CNTN5: variants seen among roughly 807,000 people sequenced by gnomAD.
CNTN5 encodes contactin-5.
In CNTN5, 77 loss-of-function variants were observed where a neutral mutation model predicts 129.1. The ratio of observed to expected loss-of-function variants is 0.60; its 90% CI spans 0.50 to 0.72. The LOEUF (loss-of-function observed/expected upper bound fraction) is 0.72, where lower values mean the gene tolerates loss of function less well. Among genes scored for constraint, CNTN5 ranks in the 30% least tolerant of loss-of-function variants. The pLI, the probability that CNTN5 is intolerant of heterozygous loss-of-function variation, is 0.00. For synonymous variants in CNTN5, 509 were observed against 465.6 expected, an observed-to-expected ratio of 1.09 and a Z score of -1.20; for missense variants, 1,478 against 1,328.8, an observed-to-expected ratio of 1.11 and a Z score of -1.75.
chr11:99,266,116 G>A (rs1862871533), intron 1 of CNTN5, among the ~76,000 whole-genome samples: 1 of 151,798 alleles, frequency 6.6e-6, no homozygotes, highest in Admixed American at 6.6e-5. Flanking sequence ...ATCTGTTTCT[G>A]GATAAATCAA....
chr11:99,099,034 C>T (rs1370987241), intron 1 of CNTN5, among the ~76,000 whole-genome samples: 1 of 152,084 alleles, frequency 6.6e-6, no homozygotes, highest in Non-Finnish European at 1.5e-5. Context: ...AAATCACTTC[C>T]TTAGAACAGA....
intron 2 of CNTN5, among the ~76,000 whole-genome samples, chr11:99,552,215 G>GTT (rs549887501): frequency 2.9e-5 from 4 of 139,006 alleles, no homozygotes; most frequent in Admixed American, 7.1e-5. Flanking sequence ...CAGTTTTTGT[G>GTT]TTTTTTTTTT....
At chr11:99,511,085 T>A (rs903491908) in intron 2 of CNTN5, among the ~76,000 whole-genome samples, 2 of 145,912 alleles carry the variant, frequency 1.4e-5, no homozygotes, top group East Asian at 2.4e-4. Flanking sequence ...TTAAAAAAAA[T>A]TAAATAGAAA....
intron 23 of CNTN5, among the ~76,000 whole-genome samples, chr11:100,349,353 G>T (rs1321042753): frequency 6.6e-6 from 1 of 151,826 alleles, no homozygotes; most frequent in East Asian, 1.9e-4. Flanking sequence ...CATATTTTAT[G>T]ATGCACTTGA....
At chr11:100,158,558 T>C (rs1947334614) in intron 13 of CNTN5, among the ~76,000 whole-genome samples, 1 of 151,872 alleles carries the variant, frequency 6.6e-6, no homozygotes, top group Non-Finnish European at 1.5e-5. Context: ...TGACCAAGCT[T>C]TCCATAAACA....
intron 1 of CNTN5, among the ~76,000 whole-genome samples, chr11:99,057,578 T>G (rs1368946613): frequency 6.6e-6 from 1 of 152,122 alleles, no homozygotes; most frequent in African/African-American, 2.4e-5. Flanking sequence ...TTATTGAACA[T>G]GATTTTAAAG....
At chr11:100,355,383 C>T (rs1299915040) in intron 24 of CNTN5, among the ~76,000 whole-genome samples, 5 of 151,696 alleles carry the variant, frequency 3.3e-5, no homozygotes, top group Admixed American at 6.6e-5. Flanking sequence ...ATAATAATGC[C>T]GCCTTCTGGA....
intron 3 of CNTN5, among the ~76,000 whole-genome samples, chr11:99,797,804 G>T (rs1475023616): frequency 6.6e-6 from 1 of 151,988 alleles, no homozygotes; most frequent in South Asian, 2.1e-4. Flanking sequence ...ATTTTTGTGT[G>T]TGTTGGAATA....
rs528180828 is a variant in CNTN5, at chr11:99,502,389, C to T, written c.-70-53756C>T. Among the ~76,000 whole-genome samples, 24 of 152,156 alleles carry T rather than the reference C, an allele frequency of 1.6e-4. 1 individual carries two copies. Among genetic ancestry groups the T allele is most frequent in the African/African-American group, 4.1e-4 (17 of 41,512 alleles). On this transcript the variant is annotated intron_variant, in intron 2 of 24. Coordinates refer to ENST00000524871, the MANE Select transcript of CNTN5 (RefSeq NM_014361.4). The stretch of plus-strand genomic sequence containing the variant: ...TAATCCACAAGTGTCAAGGGAGGGA[C>T]GAGATGGAGGTAATTGAATCACGGG...
intron 1 of CNTN5, among the ~76,000 whole-genome samples, chr11:99,259,231 CT>C (rs1862519591): frequency 6.6e-6 from 1 of 151,674 alleles, no homozygotes; most frequent in Non-Finnish European, 1.5e-5. Flanking sequence ...ATCACATATT[CT>C]TGCTTTTTTT....
chr11:99,561,797 A>G (rs991808583), intron 3 of CNTN5, among the ~76,000 whole-genome samples: 3 of 152,286 alleles, frequency 2.0e-5, no homozygotes, highest in African/African-American at 7.2e-5. Flanking sequence ...CTAAGGAGAT[A>G]TGATAACTAA....
In CNTN5 at chr11:100,356,352, T is replaced by C; in HGVS notation, c.*132T>C. 3 of 661,838 alleles carry C rather than the reference T, an allele frequency of 4.5e-6. No homozygotes were observed. Among genetic ancestry groups the C allele is most frequent in the Non-Finnish European group, 8.1e-6 (3 of 371,572 alleles). The allele number at this position is 661,838 out of a possible 1,614,324, so 41.0% of individuals were successfully genotyped here. ...AAACTTGGGACTATACATGGTGAAC[T>C]TACAGGAGGTTAGGGGGGAAATATT... is the stretch of plus-strand genomic sequence containing the variant. On this transcript the variant is annotated 3_prime_UTR_variant, in exon 25 of 25. Coordinates refer to ENST00000524871, the MANE Select transcript of CNTN5 (RefSeq NM_014361.4).
chr11:99,743,715 C>T (rs1943956278), intron 3 of CNTN5, among the ~76,000 whole-genome samples: 1 of 152,040 alleles, frequency 6.6e-6, no homozygotes, highest in Non-Finnish European at 1.5e-5. Flanking sequence ...TGTAAAAAGT[C>T]AAACCTATTT....
At chr11:99,430,367 A>C (rs534285471) in intron 2 of CNTN5, among the ~76,000 whole-genome samples, 1 of 148,374 alleles carries the variant, frequency 6.7e-6, no homozygotes, top group South Asian at 2.1e-4. Context: ...ATATATATAT[A>C]TGTGTGCACG....
intron 2 of CNTN5, among the ~76,000 whole-genome samples, chr11:99,535,580 G>C (rs1486964203): frequency 6.6e-6 from 1 of 152,176 alleles, no homozygotes; most frequent in African/African-American, 2.4e-5. Context: ...CTAGGCATGA[G>C]AATGTCTTAA....
intron 15 of CNTN5, among the ~76,000 whole-genome samples, chr11:100,208,728 A>G (rs1948963764): frequency 6.6e-6 from 1 of 152,180 alleles, no homozygotes; most frequent in Non-Finnish European, 1.5e-5. Flanking sequence ...CAGAAGTCTC[A>G]TTCAATCATG....
intron 15 of CNTN5, among the ~76,000 whole-genome samples, chr11:100,223,792 C>T (rs920522225): frequency 6.6e-6 from 1 of 151,954 alleles, no homozygotes; most frequent in Non-Finnish European, 1.5e-5. Flanking sequence ...TATGTCATTA[C>T]CTGAAAAATA....
intron 4 of CNTN5, among the ~76,000 whole-genome samples, chr11:99,832,538 T>A (rs1378230508): frequency 6.6e-6 from 1 of 152,226 alleles, no homozygotes; most frequent in Non-Finnish European, 1.5e-5. Context: ...TTAGAAATCC[T>A]TGAAGGTTTT....
chr11:99,544,688 C>G (rs1565280132), intron 2 of CNTN5, among the ~76,000 whole-genome samples: 1 of 152,052 alleles, frequency 6.6e-6, no homozygotes. Flanking sequence ...AATCAGGTAA[C>G]TGGTTCCTAG....
Sources: allele counts gnomAD v4.1 joint callset (sites outside exome capture counted in the v4.1 genomes callset), GRCh38; gene constraint gnomAD v4.1.1; transcripts MANE v1.5; gene names NCBI Gene and HGNC (gene_info 2026-07-23, HGNC 2026-07-21).